VTI1A: variants seen among roughly 807,000 people sequenced by gnomAD.
VTI1A encodes the protein vesicle transport through interaction with t-SNAREs homolog 1A.
In VTI1A, 22 loss-of-function variants were observed where a neutral mutation model predicts 34.9. The ratio of observed to expected loss-of-function variants is 0.63; its 90% CI spans 0.45 to 0.90. The LOEUF (loss-of-function observed/expected upper bound fraction) is 0.90, where lower values mean the gene tolerates loss of function less well. VTI1A is among the 40% of genes least tolerant of loss of function. The pLI is 0.00. For synonymous variants in VTI1A, 87 were observed against 97.3 expected (o/e 0.89, Z 0.62); for missense variants, 268 against 275.6 (o/e 0.97, Z 0.20).
At chr10:112,549,746 A>T (rs1253961776) in intron 5 of VTI1A, among the ~76,000 whole-genome samples, 1 of 152,092 alleles carries the variant, frequency 6.6e-6, no homozygotes, top group Non-Finnish European at 1.5e-5. Context: ...ACTTGACCAG[A>T]TCCTATGAAT....
chr10:112,501,184 G>A (rs1271387154), intron 3 of VTI1A, among the ~76,000 whole-genome samples: 1 of 151,594 alleles, frequency 6.6e-6, no homozygotes, highest in Non-Finnish European at 1.5e-5. Context: ...TGAAGAAACA[G>A]ATGGATGAAT....
Position 112,527,096 on chromosome 10 carries a change from C to G in VTI1A, c.274C>G (p.Arg92Gly). The change falls in exon 4 of 8, where the codon CGG (arginine) becomes GGG (glycine). Residue 92 changes from arginine to glycine, a missense_variant. Transcript: ENST00000393077. ...GKLETDFKRSRIAYSDEVRNE... is the reference protein window; with the variant it reads ...GKLETDFKRSGIAYSDEVRNE... ...TTGTTTTGTTTTATAGAAAAGGTCA[C>G]GGATCGCCTACAGTGACGAAGTACG... 3 of 1,612,844 alleles carry G rather than the reference C, an allele frequency of 1.9e-6. No individual in the cohort carries two copies. The highest frequency in any genetic ancestry group is 2.5e-6 in the Non-Finnish European group (3 of 1,179,402).
chr10:112,491,656 A>T (rs1848827250), intron 3 of VTI1A, among the ~76,000 whole-genome samples: 1 of 152,248 alleles, frequency 6.6e-6, no homozygotes, highest in East Asian at 1.9e-4. Flanking sequence ...TAAATATTAA[A>T]AATTTTAATG....
chr10:112,463,667 A>G (rs752548764), intron 2 of VTI1A, among the ~76,000 whole-genome samples: 1 of 151,788 alleles, frequency 6.6e-6, no homozygotes, highest in Non-Finnish European at 1.5e-5. Flanking sequence ...TCATTAAGCT[A>G]TATGTAATTT....
chr10:112,752,991 G>A (rs536531905), intron 7 of VTI1A, among the ~76,000 whole-genome samples: 4 of 151,652 alleles, frequency 2.6e-5, no homozygotes, highest in Non-Finnish European at 4.4e-5. Context: ...CCTGAAAAAC[G>A]GTTTTTTTTC....
At chr10:112,455,885 G>C (rs546471263) in intron 1 of VTI1A, among the ~76,000 whole-genome samples, 3 of 151,730 alleles carry the variant, frequency 2.0e-5, no homozygotes, top group South Asian at 2.1e-4. Flanking sequence ...TATTTTTTTC[G>C]TGAAGGGAAA....
intron 5 of VTI1A, among the ~76,000 whole-genome samples, chr10:112,648,117 A>C (rs1846874907): frequency 6.6e-6 from 1 of 152,226 alleles, no homozygotes. Flanking sequence ...TGGAAATTAC[A>C]CATCAGTTAC....
intron 7 of VTI1A, among the ~76,000 whole-genome samples, chr10:112,802,609 G>T (rs1029903062): frequency 5.3e-5 from 8 of 152,222 alleles, no homozygotes; most frequent in Admixed American, 2.0e-4. Context: ...TGTCCTCACT[G>T]CAGTGGATGT....
intron 7 of VTI1A, among the ~76,000 whole-genome samples, chr10:112,741,730 T>C (rs1003129530): frequency 1.3e-5 from 2 of 152,150 alleles, no homozygotes; most frequent in Admixed American, 6.5e-5. Flanking sequence ...AAAATCAACA[T>C]ATCTGAACTT....
chr10:112,740,556 A>G (rs1850660156), intron 7 of VTI1A, among the ~76,000 whole-genome samples: 1 of 152,246 alleles, frequency 6.6e-6, no homozygotes, highest in Non-Finnish European at 1.5e-5. Flanking sequence ...AAGTGCTGGG[A>G]TTACAGGCGT....
At chr10:112,758,286 C>T (rs375399802) in intron 7 of VTI1A, among the ~76,000 whole-genome samples, 2 of 152,138 alleles carry the variant, frequency 1.3e-5, no homozygotes, top group African/African-American at 2.4e-5. Flanking sequence ...ACTTTCTTCT[C>T]ATCATCTCTA....
At chr10:112,694,322 C>T (rs1848707263) in intron 7 of VTI1A, among the ~76,000 whole-genome samples, 1 of 152,034 alleles carries the variant, frequency 6.6e-6, no homozygotes, top group Admixed American at 6.5e-5. Context: ...TTGCTAGTAC[C>T]TTGCTAGTTC....
chr10:112,531,176 A>G (rs1489121763), intron 4 of VTI1A, among the ~76,000 whole-genome samples: 2 of 152,008 alleles, frequency 1.3e-5, no homozygotes, highest in South Asian at 4.2e-4. Context: ...GTCACAGCAG[A>G]AGGCTTAACC....
rs565305035 is a variant in VTI1A, at chr10:112,688,907, T to C, written c.560+19909T>C. Among the ~76,000 whole-genome samples, 82 of 152,222 alleles carry C rather than the reference T, an allele frequency of 5.4e-4. 1 individual carries two copies. Among genetic ancestry groups the C allele is most frequent in the African/African-American group, 1.9e-3 (80 of 41,522 alleles). ...GTGGGTTTTTTAAAAATCAAGTTATTATGACATATATGGAGGCTCAGGAAA... is the reference window on the plus strand; with the variant it reads ...GTGGGTTTTTTAAAAATCAAGTTATCATGACATATATGGAGGCTCAGGAAA... On this transcript the variant is annotated intron_variant, in intron 7 of 7. Coordinates refer to ENST00000393077, the MANE Select transcript of VTI1A (RefSeq NM_145206.4).
downstream of VTI1A, among the ~76,000 whole-genome samples, chr10:112,819,032 G>T (rs1173289882): frequency 6.6e-6 from 1 of 152,142 alleles, no homozygotes; most frequent in East Asian, 1.9e-4. Flanking sequence ...TTTAATTAAG[G>T]TTGATGTTAA....
intron 7 of VTI1A, among the ~76,000 whole-genome samples, chr10:112,766,711 T>C (rs900109231): frequency 6.6e-6 from 1 of 152,234 alleles, no homozygotes; most frequent in Admixed American, 6.5e-5. Flanking sequence ...GTGATGACTT[T>C]AGCAAGGGTG....
At chr10:112,556,068 G>A (rs1851532946) in intron 5 of VTI1A, among the ~76,000 whole-genome samples, 1 of 152,008 alleles carries the variant, frequency 6.6e-6, no homozygotes, top group African/African-American at 2.4e-5. Flanking sequence ...GAAACAAGTG[G>A]TCTGAAAAGA....
chr10:112,738,208 G>T (rs1293959567), intron 7 of VTI1A, among the ~76,000 whole-genome samples: 1 of 152,098 alleles, frequency 6.6e-6, no homozygotes, highest in African/African-American at 2.4e-5. Context: ...CATCCCTGGC[G>T]AGCACCCCTA....
In VTI1A at chr10:112,669,265, T is replaced by C. The variant is rs555804668; in HGVS notation, c.560+267T>C. Among the ~76,000 whole-genome samples, 5 of 152,284 alleles carry C rather than the reference T, an allele frequency of 3.3e-5. No homozygotes were observed. The South Asian group carries it at 1.0e-3, about 32-fold the overall frequency. On this transcript the variant is annotated intron_variant, in intron 7 of 7. Coordinates refer to ENST00000393077, the MANE Select transcript of VTI1A (RefSeq NM_145206.4). Reference sequence around the variant, plus strand: ...GGGTTAGACATGAAGTATTTTTTCATAGCCTGAGGAAGGCCCCATGGGCAG... The same window carrying C: ...GGGTTAGACATGAAGTATTTTTTCACAGCCTGAGGAAGGCCCCATGGGCAG...
Sources: gnomAD v4.1 joint callset for allele counts (sites outside exome capture counted in the v4.1 genomes callset) on GRCh38, gnomAD v4.1.1 for gene constraint, MANE v1.5 for transcripts, NCBI Gene and HGNC (gene_info 2026-07-23, HGNC 2026-07-21) for gene names.